The following SEZ6L2 variants were observed in gnomAD, a reference collection of about 807,000 sequenced individuals.
SEZ6L2 encodes seizure related 6 homolog like 2, also known as seizure 6-like protein 2.
Under a neutral mutation model 97.0 loss-of-function variants are expected in SEZ6L2, and 44 were observed. The ratio of observed to expected loss-of-function variants is 0.45; its 90% CI spans 0.36 to 0.58. The LOEUF is 0.58. Among genes scored for constraint, SEZ6L2 ranks in the 20% least tolerant of loss-of-function variants. SEZ6L2 has a pLI of 0.00. For missense variants in SEZ6L2, 1,086 were observed against 1,233.3 expected, an observed-to-expected ratio of 0.88 and a Z score of 1.79; for synonymous variants, 543 against 546.1, an observed-to-expected ratio of 0.99 and a Z score of 0.08.
Position 29,896,867 on chromosome 16 carries a change from T to C in SEZ6L2, c.466A>G (p.Thr156Ala). Residue 156 changes from threonine (T) to alanine (A), a missense_variant, in exon 3 of 18, where the codon ACC (threonine) becomes GCC (alanine). Transcript: ENST00000617533. Reference sequence around the variant, plus strand: ...GTAACAGTTGTCGTGGTGATGATGGTGGTCGTCGTCTCCTCCTCTCCTCCC... The same window carrying C: ...GTAACAGTTGTCGTGGTGATGATGGCGGTCGTCGTCTCCTCCTCTCCTCCC... ...PEGGEEETTTTIITTTTVTTT... is the reference protein window; with the variant it reads ...PEGGEEETTTAIITTTTVTTT... 6.2e-7 allele frequency: 1 copy of C among 1,613,928 alleles called. No homozygotes were observed. Among genetic ancestry groups the C allele is most frequent in the South Asian group, 1.1e-5 (1 of 91,066 alleles).
chr16:29,887,970 T>C (rs59739463), intron 6 of SEZ6L2, among the ~76,000 whole-genome samples, 153 bp from the exon 7 acceptor site: 11,510 of 152,104 alleles, frequency 0.076, 1,253 homozygotes, highest in East Asian at 0.32. Flanking sequence ...CTCCAGAGGA[T>C]GGGACCTTCT....
chr16:29,894,506 A>G (rs1328376242), intron 5 of SEZ6L2, among the ~76,000 whole-genome samples: 2 of 147,498 alleles, frequency 1.4e-5, no homozygotes, highest in East Asian at 2.0e-4. Flanking sequence ...ATGTCCCCAT[A>G]TTCCTTGGGA....
intron 17 of SEZ6L2, 45 bp from the exon 18 acceptor site, chr16:29,871,773 TG>T: frequency 6.3e-7 from 1 of 1,584,316 alleles, no homozygotes; most frequent in South Asian, 1.1e-5. Context: ...CTGATAGGGG[TG>T]GAAGAGGCAG....
intron 1 of SEZ6L2, 123 bp downstream of exon 1, chr16:29,898,818 C>T (rs766613592): frequency 3.1e-5 from 23 of 733,300 alleles, no homozygotes; most frequent in Non-Finnish European, 4.7e-5. Context: ...TGCCCCTTCC[C>T]CATCAGCTGT....
At chr16:29,874,550 G>GTTTTTGTTTTTTTTT (rs2067859275) in intron 12 of SEZ6L2, among the ~76,000 whole-genome samples, 1 of 32,528 alleles carries the variant, frequency 3.1e-5, no homozygotes, top group African/African-American at 8.2e-5. Flanking sequence ...GTGTGTGCTT[G>GTTTTTGTTTTTTTTT]TTTTTTTTTT....
rs1290696247 is a variant in SEZ6L2 at position 29,878,430 on chromosome 16, G to A, written c.1574-5C>T. 1.9e-6 allele frequency: 3 copies of A among 1,586,388 alleles called. No individual in the cohort carries two copies. Among genetic ancestry groups the A allele is most frequent in the Non-Finnish European group, 2.6e-6 (3 of 1,164,364 alleles). On this transcript the variant is annotated splice_region_variant and splice_polypyrimidine_tract_variant and intron_variant, in intron 9 of 17. Coordinates refer to ENST00000617533, the MANE Select transcript of SEZ6L2 (RefSeq NM_001243332.2). ...ACAGCTCCCCTCCACACATGGCTAG[G>A]GAAAAAGGGGTGTCAGGTTCAGGAC...
chr16:29,878,306 T>C lies in SEZ6L2; in HGVS notation c.1693A>G (p.Ile565Val). 1.9e-6 allele frequency: 3 copies of C among 1,593,778 alleles called. No individual in the cohort carries two copies. The highest frequency in any genetic ancestry group is 1.1e-5 in the South Asian group (1 of 86,998). Residue 565 changes from isoleucine to valine, a missense_variant, in exon 10 of 18, where the codon ATC becomes GTC. Physicochemically the swap from Ile to Val is conservative, Grantham distance 29. Coordinates refer to ENST00000617533, the MANE Select transcript of SEZ6L2 (RefSeq NM_001243332.2). ...ACATACATCTCAACTTGGAGCAAGA[T>C]GCGCTTCTCTTCCTGGACGTGCACG... Reference protein sequence around the residue: ...WGVHVQEEKRILLQVEILNVR... With the variant: ...WGVHVQEEKRVLLQVEILNVR...
intron 5 of SEZ6L2, among the ~76,000 whole-genome samples, chr16:29,890,743 CTTTTTTT>C (rs71143763): frequency 5.4e-5 from 4 of 74,360 alleles, no homozygotes; most frequent in South Asian, 4.6e-4. Flanking sequence ...TAACCATTGT[CTTTTTTT>C]TTTTTTTTTT....
In SEZ6L2 at chr16:29,879,465, T is replaced by G. The variant is rs540022935; in HGVS notation, c.1573+399A>C. Among the ~76,000 whole-genome samples the G allele has an allele frequency of 1.1e-3, 168 of 152,246 alleles. 1 individual carries two copies. The highest frequency in any genetic ancestry group is 3.9e-3 in the African/African-American group (160 of 41,556). On this transcript the variant is annotated intron_variant, in intron 9 of 17. Coordinates refer to ENST00000617533, the MANE Select transcript of SEZ6L2 (RefSeq NM_001243332.2). ...GTCTCGAACTCCCGACCTCAGGTGA[T>G]CCGCCCGCCTCAGCCTCCCATAGTG... is the stretch of plus-strand genomic sequence containing the variant.
rs1219932431 is a variant in SEZ6L2, at chr16:29,899,354, G to C, written c.-335C>G. ...GGTTACCCTCCTGCTCAGGCGCCTGGGTCCACTGGGCTGTCTGGACCCCAA... is the reference window on the plus strand; with the variant it reads ...GGTTACCCTCCTGCTCAGGCGCCTGCGTCCACTGGGCTGTCTGGACCCCAA... On this transcript the variant is annotated 5_prime_UTR_variant, in exon 1 of 18. Transcript: ENST00000617533. 3 of 334,074 alleles carry C rather than the reference G, an allele frequency of 9.0e-6. No individual in the cohort carries two copies. The Admixed American group carries it at 1.5e-4, about 17-fold the overall frequency. 20.7% of individuals were successfully genotyped at this position (334,074 alleles called of 1,614,324 possible). A position where few individuals can be genotyped will look rare whatever the true frequency, so the allele number is the denominator to read the frequency against.
chr16:29,890,575 G>A (rs992082761), intron 5 of SEZ6L2, among the ~76,000 whole-genome samples: 45 of 151,684 alleles, frequency 3.0e-4, no homozygotes, highest in African/African-American at 1.0e-3. Flanking sequence ...CCATATTTTC[G>A]CTTGTGCTCT....
chr16:29,887,085 G>A (rs1267275876), intron 7 of SEZ6L2, among the ~76,000 whole-genome samples: 1 of 151,392 alleles, frequency 6.6e-6, no homozygotes, highest in Non-Finnish European at 1.5e-5. Flanking sequence ...GGAGGCTGAG[G>A]CAGGAGAATC....
intron 8 of SEZ6L2, among the ~76,000 whole-genome samples, chr16:29,885,105 G>A (rs1456283731): frequency 2.0e-5 from 3 of 152,202 alleles, no homozygotes; most frequent in Non-Finnish European, 4.4e-5. Flanking sequence ...CTACTCGGGA[G>A]GCTGAGGCAG....
Position 29,899,301 on chromosome 16 carries a change from G to A in SEZ6L2, c.-282C>T. On this transcript the variant is annotated 5_prime_UTR_variant, in exon 1 of 18. Coordinates refer to ENST00000617533, the MANE Select transcript of SEZ6L2 (RefSeq NM_001243332.2). The stretch of plus-strand genomic sequence containing the variant: ...GGCTCCGGCTGCAGGGGGTGGGGCC[G>A]AGAGGGCCGAAGGGGCCGGGTGGCC... 1 of 424,460 alleles carries A rather than the reference G, an allele frequency of 2.4e-6. No individual in the cohort carries two copies. Among genetic ancestry groups the A allele is most frequent in the South Asian group, 2.5e-5 (1 of 40,712 alleles). 26.3% of individuals were successfully genotyped at this position (424,460 alleles called of 1,614,324 possible).
intron 1 of SEZ6L2, 32 bp from the exon 2 acceptor site, chr16:29,898,016 T>C (rs1335216420): frequency 6.2e-7 from 1 of 1,611,472 alleles, no homozygotes; most frequent in South Asian, 1.1e-5. Context: ...GCTTCTCCAC[T>C]TCCCCACACC....
chr16:29,887,614 G>A (rs780915453), intron 7 of SEZ6L2, 35 bp downstream of exon 7: 2 of 1,520,634 alleles, frequency 1.3e-6, no homozygotes, highest in Non-Finnish European at 1.8e-6. Context: ...GCCCGGCCAA[G>A]GTGGGGACTT....
rs1268524569 is a variant in SEZ6L2 at position 29,896,916 on chromosome 16, G to T, written c.417C>A (p.Ser139=). ...TTAPPPPSPA[S]PGPPLGPEGG... Reference sequence around the variant, plus strand: ...CCTCAGGCCCAAGGGGAGGCCCTGGGGAGGCAGGGCTGGGTGGGGGTGGGG... The same window carrying T: ...CCTCAGGCCCAAGGGGAGGCCCTGGTGAGGCAGGGCTGGGTGGGGGTGGGG... The change falls in exon 3 of 18, where the codon TCC becomes TCA. Residue 139 remains serine, a synonymous_variant. Coordinates refer to ENST00000617533, the MANE Select transcript of SEZ6L2 (RefSeq NM_001243332.2). 9 of 1,613,104 alleles carry T rather than the reference G, an allele frequency of 5.6e-6. No individual in the cohort carries two copies. The highest frequency in any genetic ancestry group is 7.6e-6 in the Non-Finnish European group (9 of 1,179,406).
Position 29,895,795 on chromosome 16 carries a change from C to T in SEZ6L2, c.577G>A (p.Val193Ile), listed in dbSNP as rs147128268. The part of the protein sequence containing the change: ...YVESPDLGSP[V>I]SRTLGLLDCT... ...TCCAGGAGCCCCAGGGTGCGGCTGA[C>T]GGGGCTCCCCAGATCTGGAGACTCC... Residue 193 changes from valine (V) to isoleucine (I), a missense_variant, in exon 4 of 18, where the codon GTC (valine) becomes ATC (isoleucine). By Grantham distance (29) the Val-to-Ile change is conservative. Coordinates refer to ENST00000617533, the MANE Select transcript of SEZ6L2 (RefSeq NM_001243332.2). 910 of 1,614,032 alleles carry T rather than the reference C, an allele frequency of 5.6e-4. No homozygotes were observed. Among genetic ancestry groups the T allele is most frequent in the Non-Finnish European group, 6.9e-4 (814 of 1,179,916 alleles).
chr16:29,878,340 G>A lies in SEZ6L2; in HGVS notation c.1659C>T (p.Cys553=), dbSNP rs757908553. Reference sequence around the variant, plus strand: ...CTTCCTGGACGTGCACGCCCCACACGCAGTCTTGGCCCGGGCTATAGCTCT... The same window carrying A: ...CTTCCTGGACGTGCACGCCCCACACACAGTCTTGGCCCGGGCTATAGCTCT... ...WPQSYSPGQD[C]VWGVHVQEEK... Residue 553 remains cysteine (C), a synonymous_variant, in exon 10 of 18, where the codon TGC becomes TGT. Transcript: ENST00000617533. 6.2e-6 allele frequency: 10 copies of A among 1,602,384 alleles called. No homozygotes were observed. The highest frequency in any genetic ancestry group is 5.4e-5 in the African/African-American group (4 of 74,648).
Sources: allele counts gnomAD v4.1 joint callset (sites outside exome capture counted in the v4.1 genomes callset), GRCh38; gene constraint gnomAD v4.1.1; transcripts MANE v1.5; gene names NCBI Gene and HGNC (gene_info 2026-07-23, HGNC 2026-07-21).